The following CDKN3 variants were observed in gnomAD, a reference collection of about 807,000 sequenced individuals.
CDKN3 encodes the protein cyclin-dependent kinase inhibitor 3.
A neutral mutation model predicts 36.1 loss-of-function variants in CDKN3; 19 were observed. The ratio of observed to expected loss-of-function variants is 0.53; its 90% CI spans 0.37 to 0.77. CDKN3 has a LOEUF of 0.77. CDKN3 is among the 30% of genes least tolerant of loss of function. The pLI is 0.00. For synonymous variants in CDKN3, 71 were observed against 85.3 expected (o/e 0.83, Z 0.92); for missense variants, 188 against 248.6 (o/e 0.76, Z 1.64).
At chr14:54,418,166 T>C (rs1432921273) in intron 7 of CDKN3, 8 of 704,590 alleles carry the variant, frequency 1.1e-5, no homozygotes, top group Non-Finnish European at 1.8e-5. Context: ...GCACACAGGA[T>C]TTCAAACAAG....
intron 3 of CDKN3, among the ~76,000 whole-genome samples, chr14:54,405,915 G>A (rs2030138535): frequency 6.6e-6 from 1 of 152,184 alleles, no homozygotes; most frequent in Non-Finnish European, 1.5e-5. Context: ...ATTAGTTGAT[G>A]CAGTTTCTTC....
chr14:54,411,199 A>ATT, intron 4 of CDKN3: 1 of 242,132 alleles, frequency 4.1e-6, no homozygotes, highest in Non-Finnish European at 7.8e-6. Context: ...AAAAAAAAAG[A>ATT]GGGGGGGTTA....
intron 6 of CDKN3, 125 bp from the exon 7 acceptor site, chr14:54,417,723 C>A: frequency 1.9e-6 from 1 of 530,434 alleles, no homozygotes; most frequent in Non-Finnish European, 3.4e-6. Context: ...AAGTCTCAGT[C>A]TTTTAATTCA....
chr14:54,417,701 A>C (rs989955863), intron 6 of CDKN3, 147 bp from the exon 7 acceptor site: 83 of 494,984 alleles, frequency 1.7e-4, no homozygotes, highest in Non-Finnish European at 2.7e-4. Flanking sequence ...AACTGTCAAA[A>C]ACACACACTA....
At chr14:54,418,495 A>G in intron 7 of CDKN3, 1 of 524,594 alleles carries the variant, frequency 1.9e-6, no homozygotes, top group Non-Finnish European at 3.4e-6. Flanking sequence ...AAAACACTGC[A>G]CTAGCAATGC....
At chr14:54,416,810 C>T (rs1320075602) in intron 6 of CDKN3, among the ~76,000 whole-genome samples, 1 of 152,120 alleles carries the variant, frequency 6.6e-6, no homozygotes, top group East Asian at 1.9e-4. Context: ...GTGAGATCGT[C>T]TCTCTCAAAA....
chr14:54,409,061 GA>G (rs575485567), intron 4 of CDKN3, among the ~76,000 whole-genome samples: 1 of 152,004 alleles, frequency 6.6e-6, no homozygotes, highest in Admixed American at 6.6e-5. Flanking sequence ...AAGTTGGCAT[GA>G]AAAAAAGTAT....
chr14:54,408,571 C>G, intron 3 of CDKN3, 174 bp from the exon 4 acceptor site: 1 of 738,482 alleles, frequency 1.4e-6, no homozygotes, highest in South Asian at 2.1e-5. Flanking sequence ...AGGATGAATC[C>G]CTGTAATTAT....
chr14:54,418,658 C>T (rs1345538653), intron 7 of CDKN3, among the ~76,000 whole-genome samples: 1 of 152,248 alleles, frequency 6.6e-6, no homozygotes, highest in Non-Finnish European at 1.5e-5. Context: ...AGAATCCTGG[C>T]TGTTAGGCAG....
intron 5 of CDKN3, 29 bp downstream of exon 5, chr14:54,411,735 A>C (rs151055021): frequency 3.0e-6 from 4 of 1,320,008 alleles, no homozygotes; most frequent in Non-Finnish European, 3.3e-6. Flanking sequence ...ACACTATGTG[A>C]GAAATGTCTC....
intron 2 of CDKN3, 49 bp from the exon 3 acceptor site, chr14:54,401,475 T>C (rs777432359): frequency 7.6e-7 from 1 of 1,312,460 alleles, no homozygotes; most frequent in Non-Finnish European, 1.1e-6. Context: ...TTTCCATTTA[T>C]AACTTTTTAA....
intron 3 of CDKN3, among the ~76,000 whole-genome samples, chr14:54,402,653 G>C (rs1005086113): frequency 3.3e-5 from 5 of 152,102 alleles, no homozygotes; most frequent in African/African-American, 9.7e-5. Flanking sequence ...GTATTGCCTA[G>C]GTTTTCTTCT....
chr14:54,400,231 A>C lies in CDKN3; in HGVS notation c.92+255A>C, dbSNP rs1407332175. ...TACATTCTAACTCCATGATTCATTT[A>C]CTCTTTATAAGACCCTTTTTTTTTT... On this transcript the variant is annotated intron_variant, in intron 2 of 7. Coordinates refer to ENST00000335183, the MANE Select transcript of CDKN3 (RefSeq NM_005192.4). Among the ~76,000 whole-genome samples, 3 of 72,318 alleles carry C rather than the reference A, an allele frequency of 4.1e-5. 1 individual carries two copies. The highest frequency in any genetic ancestry group is 9.3e-5 in the Non-Finnish European group (3 of 32,326). 47.4% of individuals were successfully genotyped at this position (72,318 alleles called of 152,430 possible). A position where few individuals can be genotyped will look rare whatever the true frequency, so the allele number is the denominator to read the frequency against.
chr14:54,418,362 T>C, intron 7 of CDKN3: 1 of 675,842 alleles, frequency 1.5e-6, no homozygotes, highest in East Asian at 2.7e-5. Context: ...TCTTGTTATA[T>C]CACCAAAACA....
At chr14:54,407,745 G>A (rs4251617) in intron 3 of CDKN3, among the ~76,000 whole-genome samples, 10,376 of 152,310 alleles carry the variant, frequency 0.068, 537 homozygotes, top group East Asian at 0.27. Context: ...TGTGCTGGCA[G>A]TGAGAATTTC....
intron 3 of CDKN3, among the ~76,000 whole-genome samples, chr14:54,403,632 A>G (rs1473202508): frequency 1.3e-5 from 2 of 152,194 alleles, no homozygotes; most frequent in African/African-American, 4.8e-5. Flanking sequence ...TTCAAAGGGA[A>G]TGCTTCCAGC....
At chr14:54,407,968 A>G (rs2030219362) in intron 3 of CDKN3, among the ~76,000 whole-genome samples, 1 of 152,200 alleles carries the variant, frequency 6.6e-6, no homozygotes, top group Non-Finnish European at 1.5e-5. Context: ...GTTCCTATTC[A>G]GCCATCTTGC....
At chr14:54,400,808 C>T (rs1303850819) in intron 2 of CDKN3, among the ~76,000 whole-genome samples, 2 of 152,196 alleles carry the variant, frequency 1.3e-5, no homozygotes, top group Non-Finnish European at 2.9e-5. Context: ...AAATCATCTT[C>T]TGACATGCAG....
intron 3 of CDKN3, among the ~76,000 whole-genome samples, chr14:54,406,335 T>C (rs1328817532): frequency 6.6e-6 from 1 of 152,148 alleles, no homozygotes; most frequent in East Asian, 1.9e-4. Flanking sequence ...GCTCTTCTCG[T>C]GGAGTATCTT....
Sources: allele counts gnomAD v4.1 joint callset (sites outside exome capture counted in the v4.1 genomes callset), GRCh38; gene constraint gnomAD v4.1.1; transcripts MANE v1.5; gene names NCBI Gene and HGNC (gene_info 2026-07-23, HGNC 2026-07-21).